The following CHID1 variants were observed in gnomAD, a reference collection of about 807,000 sequenced individuals.
The protein encoded by CHID1 is chitinase domain containing 1.
CHID1 carries 44 observed loss-of-function variants against 55.4 expected under a neutral mutation model. The ratio of observed to expected loss-of-function variants is 0.79; its 90% CI spans 0.62 to 1.02. The LOEUF (loss-of-function observed/expected upper bound fraction) is 1.02. Ranked by LOEUF, CHID1 falls within the 50% of genes least tolerant of loss-of-function variation. CHID1 has a pLI of 0.00. For missense variants in CHID1, 491 were observed against 515.3 expected, an observed-to-expected ratio of 0.95 and a Z score of 0.46; for synonymous variants, 216 against 212.9, an observed-to-expected ratio of 1.01 and a Z score of -0.13.
chr11:889,551 G>A (rs992395989), intron 8 of CHID1, among the ~76,000 whole-genome samples: 4 of 152,150 alleles, frequency 2.6e-5, no homozygotes, highest in African/African-American at 9.7e-5. Flanking sequence ...CCCAGCAGGG[G>A]AGAGCCATAG....
chr11:894,443 C>T (rs750485101), intron 7 of CHID1, among the ~76,000 whole-genome samples: 3 of 152,236 alleles, frequency 2.0e-5, no homozygotes, highest in Non-Finnish European at 2.9e-5. Context: ...CGTGTGCACA[C>T]GCTGGTGCCC....
At chr11:889,221 G>C (rs1187535671) in intron 8 of CHID1, among the ~76,000 whole-genome samples, 1 of 152,138 alleles carries the variant, frequency 6.6e-6, no homozygotes, top group Non-Finnish European at 1.5e-5. Flanking sequence ...CTCCTGCCAT[G>C]TACCCACACC....
At chr11:871,609 G>A (rs927308752) in intron 10 of CHID1, among the ~76,000 whole-genome samples, 1 of 4,356 alleles carries the variant, frequency 2.3e-4, no homozygotes, top group Admixed American at 2.7e-3. Context: ...TGCCTGCTGC[G>A]TGAGGACAGT....
Position 902,246 on chromosome 11 carries a change from G to T in CHID1, c.346C>A (p.Arg116Ser), listed in dbSNP as rs1851874949. The T allele has an allele frequency of 3.1e-6, 5 of 1,613,866 alleles. No homozygotes were observed. Among genetic ancestry groups the T allele is most frequent in the Non-Finnish European group, 4.2e-6 (5 of 1,180,016 alleles). The change falls in exon 4 of 13, where the codon CGT (arginine) becomes AGT (serine). Residue 116 changes from arginine (R) to serine (S), a missense_variant. Arg to Ser is a moderately radical substitution (Grantham distance 110). Transcript: ENST00000323578. Reference sequence around the variant, plus strand: ...GTGACCTCAAACATCTCACGGCCACGTCTCTTCAGCTGCAGCCAGACGGGT... The same window carrying T: ...GTGACCTCAAACATCTCACGGCCACTTCTCTTCAGCTGCAGCCAGACGGGT... ...ISPVWLQLKR[R>S]GREMFEVTGL...
chr11:877,516 G>C lies in CHID1; in HGVS notation c.959+5632C>G, dbSNP rs1589826073. ...CTGCCTTAGCCCCACAAAGTGCTGG[G>C]ATTACAGGTGTGAGCTGTTGCGCCA... On this transcript the variant is annotated intron_variant, in intron 10 of 12. Transcript: ENST00000323578. Among the ~76,000 whole-genome samples the C allele has an allele frequency of 2.6e-5, 4 of 152,354 alleles. No individual in the cohort carries two copies. The East Asian group carries it at 5.8e-4, about 22-fold the overall frequency.
chr11:877,696 A>G (rs1194545453), intron 10 of CHID1, among the ~76,000 whole-genome samples: 2 of 146,826 alleles, frequency 1.4e-5, no homozygotes, highest in African/African-American at 2.6e-5. Context: ...CAAAATTCAC[A>G]CTGAAATGTA....
chr11:900,840 C>T (rs1298372088), intron 5 of CHID1, 96 bp downstream of exon 5: 4 of 1,022,278 alleles, frequency 3.9e-6, no homozygotes, highest in Non-Finnish European at 5.7e-6. Flanking sequence ...AGCAGCACAG[C>T]CGGGTGATCA....
At chr11:882,884 G>A (rs1850089499) in intron 10 of CHID1, 4 of 414,074 alleles carry the variant, frequency 9.7e-6, no homozygotes, top group Middle Eastern at 6.6e-4. Flanking sequence ...GCTGACGGGT[G>A]GGGGAAGCCT....
chr11:903,900 A>G (rs1852013704), intron 2 of CHID1: 1 of 173,756 alleles, frequency 5.8e-6, no homozygotes, highest in African/African-American at 2.8e-5. Context: ...CGCCCCCGCC[A>G]ATACGACCCT....
At chr11:895,486 G>A (rs997303796) in intron 7 of CHID1, among the ~76,000 whole-genome samples, 8 of 152,148 alleles carry the variant, frequency 5.3e-5, no homozygotes, top group Admixed American at 2.6e-4. Context: ...AGCATTGCCC[G>A]GAGCGCTCCT....
At chr11:906,791 G>A (rs530257163) in intron 1 of CHID1, among the ~76,000 whole-genome samples, 48 of 152,262 alleles carry the variant, frequency 3.2e-4, no homozygotes, top group Admixed American at 1.2e-3. Flanking sequence ...CACGTCGGGA[G>A]GCCAAGGCAG....
At chr11:897,824 C>T (rs766601106) in intron 7 of CHID1, among the ~76,000 whole-genome samples, 2 of 151,258 alleles carry the variant, frequency 1.3e-5, no homozygotes, top group African/African-American at 2.4e-5. Context: ...ATCCAGTGGG[C>T]AACCACATTG....
At chr11:870,889 CCTGGCCCCGCTG>C (rs1403719833) in intron 10 of CHID1, 2 of 206,236 alleles carry the variant, frequency 9.7e-6, no homozygotes, top group Non-Finnish European at 2.0e-5. Flanking sequence ...CTCAGGCTGC[CCTGGCCCCGCTG>C]CTGGCCCTGG....
upstream of CHID1, chr11:910,913 G>A (rs1448578595): frequency 3.3e-6 from 3 of 900,316 alleles, no homozygotes; most frequent in East Asian, 2.4e-4. Flanking sequence ...CCAGGACAGG[G>A]GACTGGGCAG....
chr11:870,194 G>A (rs555520541), intron 11 of CHID1, 31 bp from the exon 12 acceptor site: 107 of 1,612,986 alleles, frequency 6.6e-5, no homozygotes, highest in East Asian at 4.5e-4. Context: ...CAGCCCATCC[G>A]CTCTGCTGGT....
In CHID1 at chr11:892,850, C is replaced by T. The variant is rs528052451; in HGVS notation, c.701+577G>A. Among the ~76,000 whole-genome samples the T allele has an allele frequency of 8.5e-5, 13 of 152,346 alleles. No individual in the cohort carries two copies. In the South Asian group the frequency reaches 1.4e-3, roughly 17 times the overall value. On this transcript the variant is annotated intron_variant, in intron 8 of 12. Coordinates refer to ENST00000323578, the MANE Select transcript of CHID1 (RefSeq NM_023947.4). The stretch of plus-strand genomic sequence containing the variant: ...CTGCCTCCTTAGCCAGGGGTGCTAC[C>T]CTGAGGGCATGGCCGGCCTGTGCTG...
intron 10 of CHID1, among the ~76,000 whole-genome samples, chr11:881,026 C>T (rs952887843): frequency 5.3e-5 from 8 of 152,146 alleles, no homozygotes; most frequent in African/African-American, 9.7e-5. Context: ...CTCCTGAAAC[C>T]GACCCTGATA....
chr11:885,148 TG>T (rs1478359410), intron 8 of CHID1, among the ~76,000 whole-genome samples: 5 of 152,190 alleles, frequency 3.3e-5, no homozygotes, highest in Non-Finnish European at 7.4e-5. Flanking sequence ...CAGTGGGCCC[TG>T]ATCTCCCTCA....
Position 894,478 on chromosome 11 carries a change from C to T in CHID1, c.609-959G>A, listed in dbSNP as rs370399627. On this transcript the variant is annotated intron_variant, in intron 7 of 12. Coordinates refer to ENST00000323578, the MANE Select transcript of CHID1 (RefSeq NM_023947.4). ...CATGAGTCTACCCTGCAGGTGGCCT[C>T]TGCAGAAACTGGCCTGGAGCACATG... Among the ~76,000 whole-genome samples, 31 of 152,354 alleles carry T rather than the reference C, an allele frequency of 2.0e-4. No individual in the cohort carries two copies. The South Asian group carries it at 6.4e-3, about 32-fold the overall frequency.
Sources: gnomAD v4.1 joint callset for allele counts (sites outside exome capture counted in the v4.1 genomes callset) on GRCh38, gnomAD v4.1.1 for gene constraint, MANE v1.5 for transcripts, NCBI Gene and HGNC (gene_info 2026-07-23, HGNC 2026-07-21) for gene names.